SLC6A11: variants seen among roughly 807,000 people sequenced by gnomAD.
SLC6A11 encodes sodium- and chloride-dependent GABA transporter 3.
SLC6A11 carries 25 observed loss-of-function variants against 74.8 expected under a neutral mutation model. The ratio of observed to expected loss-of-function variants is 0.33; its 90% CI spans 0.24 to 0.47. The LOEUF (loss-of-function observed/expected upper bound fraction) is 0.47, where lower values mean the gene tolerates loss of function less well. Among genes scored for constraint, SLC6A11 ranks in the 20% least tolerant of loss-of-function variants. The pLI is 1.00. For missense variants in SLC6A11, 574 were observed against 837.0 expected (o/e 0.69, Z 3.88); for synonymous variants, 330 against 330.2 (o/e 1.00, Z 0.01).
rs1346564388 is a variant in SLC6A11 at position 10,940,688 on chromosome 3, T to G, written c.*2286T>G. The G allele has an allele frequency of 2.6e-5, 4 of 152,362 alleles. No individual in the cohort carries two copies. Among genetic ancestry groups the G allele is most frequent in the Non-Finnish European group, 2.9e-5 (2 of 68,028 alleles). 9.4% of individuals were successfully genotyped at this position (152,362 alleles called of 1,614,324 possible). ...GTGCAAGATTGTCTGCTTACTCATT[T>G]TTAAAAATTAAAGAAATGAACAATC... On this transcript the variant is annotated 3_prime_UTR_variant, in exon 14 of 14. Transcript: ENST00000254488.
At chr3:10,919,580 A>G (rs1353437869) in intron 8 of SLC6A11, among the ~76,000 whole-genome samples, 1 of 152,162 alleles carries the variant, frequency 6.6e-6, no homozygotes, top group Non-Finnish European at 1.5e-5. Context: ...GTGGATGTCA[A>G]AGGAGGCAGC....
chr3:10,825,551 T>C (rs924240597), intron 4 of SLC6A11: 3 of 152,208 alleles, frequency 2.0e-5, no homozygotes, highest in Non-Finnish European at 4.4e-5. Flanking sequence ...TTCCATTTTA[T>C]TGAAGTCGAA....
At position 10,852,719 on chromosome 3, in the gene SLC6A11, G is replaced by A. The variant is rs1694591629; in HGVS notation, c.756+8373G>A. On this transcript the variant is annotated intron_variant, in intron 5 of 13. Transcript: ENST00000254488. ...CATGGGTCTCCCTGGGAAACGGGAA[G>A]CCACCCTCCTGTTTGGCAGGCACCA... Among the ~76,000 whole-genome samples, 3 of 152,374 alleles carry A rather than the reference G, an allele frequency of 2.0e-5. No individual in the cohort carries two copies. The South Asian group carries it at 6.2e-4, about 32-fold the overall frequency.
intron 6 of SLC6A11, among the ~76,000 whole-genome samples, chr3:10,902,928 G>T (rs1489918534): frequency 6.6e-6 from 1 of 152,182 alleles, no homozygotes; most frequent in Non-Finnish European, 1.5e-5. Flanking sequence ...ATCTATAAAA[G>T]GGAGATAATA....
In SLC6A11 at chr3:10,938,339, T is replaced by C. The variant is rs1415363033; in HGVS notation, c.1836T>C (p.Cys612=). The part of the protein sequence containing the change: ...VSPRMVTVND[C]DAKLKSDGTI... ...CACGGATGGTGACAGTTAATGACTG[T>C]GATGCCAAACTCAAGAGTGACGGGA... The change falls in exon 14 of 14, where the codon TGT becomes TGC. Residue 612 remains cysteine, a synonymous_variant. Coordinates refer to ENST00000254488, the MANE Select transcript of SLC6A11 (RefSeq NM_014229.3). 1 of 1,613,020 alleles carries C rather than the reference T, an allele frequency of 6.2e-7. No homozygotes were observed. The highest frequency in any genetic ancestry group is 1.1e-5 in the South Asian group (1 of 90,928).
chr3:10,924,219 A>C (rs541891557), intron 8 of SLC6A11, among the ~76,000 whole-genome samples: 2 of 152,244 alleles, frequency 1.3e-5, no homozygotes, highest in Non-Finnish European at 2.9e-5. Flanking sequence ...TTAATTTACC[A>C]GTTATTAAAT....
chr3:10,925,906 TG>T, intron 8 of SLC6A11, 97 bp from the exon 9 acceptor site: 1 of 714,658 alleles, frequency 1.4e-6, no homozygotes, highest in Non-Finnish European at 2.5e-6. Flanking sequence ...GCACAGTGCC[TG>T]GCGCAGAGGA....
chr3:10,844,108 C>T (rs1392588137), intron 4 of SLC6A11, 106 bp from the exon 5 acceptor site: 13 of 1,381,204 alleles, frequency 9.4e-6, no homozygotes, highest in South Asian at 1.3e-5. Context: ...CCACGGTGGA[C>T]GTGGGTGAAT....
chr3:10,926,230 A>T lies in SLC6A11; in HGVS notation c.1233+114A>T, dbSNP rs1345281696. 1.5e-6 allele frequency: 1 copy of T among 672,910 alleles called. No individual in the cohort carries two copies. The highest frequency in any genetic ancestry group is 2.4e-5 in the Admixed American group (1 of 41,050). 41.7% of individuals were successfully genotyped at this position (672,910 alleles called of 1,614,324 possible). ...CCAGCCACTCCCACCTGGCCCTGGC[A>T]TCAGGGCCCTGCCCACCGTCCCCCA... On this transcript the variant is annotated intron_variant, in intron 9 of 13. Transcript: ENST00000254488. This position sits in a 1 kb window ranked among gnomAD's most constrained non-coding sequence, Gnocchi z 5.7.
rs1230785639 is a variant in SLC6A11, at chr3:10,926,260, ACC to A, written c.1233+146_1233+147del. The A allele has an allele frequency of 3.3e-5, 18 of 553,376 alleles. No individual in the cohort carries two copies. The highest frequency in any genetic ancestry group is 4.7e-5 in the Non-Finnish European group (15 of 317,170). The allele number at this position is 553,376 out of a possible 1,614,324, so 34.3% of individuals were successfully genotyped here. A position where few individuals can be genotyped will look rare whatever the true frequency, so the allele number is the denominator to read the frequency against. On this transcript the variant is annotated intron_variant, in intron 9 of 13. Transcript: ENST00000254488. The surrounding 1 kb of genome is among the most constrained non-coding windows in gnomAD (Gnocchi z 5.7). ...GGCCCTGCCCACCGTCCCCCATTCC[ACC>A]CTCCACTTCCCTCCCAGCAACTCTT... is the stretch of plus-strand genomic sequence containing the variant.
intron 6 of SLC6A11, among the ~76,000 whole-genome samples, chr3:10,908,656 C>T (rs1695344051): frequency 6.6e-6 from 1 of 152,124 alleles, no homozygotes; most frequent in Admixed American, 6.5e-5. Flanking sequence ...TACTGGGCAC[C>T]TTGTTTTGTG....
chr3:10,882,277 G>A (rs1223357493), intron 6 of SLC6A11, among the ~76,000 whole-genome samples: 1 of 152,224 alleles, frequency 6.6e-6, no homozygotes, highest in Non-Finnish European at 1.5e-5. Context: ...CTTCTCCACT[G>A]ATCAAGAGAG....
chr3:10,866,682 C>T (rs1022855756), intron 5 of SLC6A11, among the ~76,000 whole-genome samples: 1 of 152,170 alleles, frequency 6.6e-6, no homozygotes, highest in Non-Finnish European at 1.5e-5. Context: ...GTTAAAATAC[C>T]ATTACCCCCT....
At chr3:10,881,521 G>C (rs2106609387) in intron 6 of SLC6A11, among the ~76,000 whole-genome samples, 1 of 152,346 alleles carries the variant, frequency 6.6e-6, no homozygotes, top group East Asian at 1.9e-4. Context: ...AAAGTCAGGA[G>C]GGCTGTTAGC....
intron 6 of SLC6A11, among the ~76,000 whole-genome samples, chr3:10,881,523 G>A (rs963078352): frequency 1.4e-4 from 21 of 152,244 alleles, no homozygotes; most frequent in Non-Finnish European, 2.5e-4. Flanking sequence ...AGTCAGGAGG[G>A]CTGTTAGCTT....
Position 10,816,420 on chromosome 3 carries a change from A to G in SLC6A11, c.155A>G (p.His52Arg). ...GACAAGGCGGTCCACGAGCGCGGCCACTGGAACAACAAGGTGGAGTTCGTG... is the reference window on the plus strand; with the variant it reads ...GACAAGGCGGTCCACGAGCGCGGCCGCTGGAACAACAAGGTGGAGTTCGTG... ...KRDKAVHERG[H>R]WNNKVEFVLS... Residue 52 changes from histidine to arginine, a missense_variant, in exon 1 of 14, where the codon CAC becomes CGC. This residue lies in a region of SLC6A11 where 86 missense variants were observed against 87.4 expected (regional missense o/e 0.98). Transcript: ENST00000254488. This position sits in a 1 kb window ranked among gnomAD's most constrained non-coding sequence, Gnocchi z 4.2. 2 of 1,599,474 alleles carry G rather than the reference A, an allele frequency of 1.3e-6. No individual in the cohort carries two copies. Among genetic ancestry groups the G allele is most frequent in the Non-Finnish European group, 1.7e-6 (2 of 1,173,726 alleles).
chr3:10,902,112 T>C (rs1320576600), intron 6 of SLC6A11, among the ~76,000 whole-genome samples: 1 of 152,126 alleles, frequency 6.6e-6, no homozygotes, highest in African/African-American at 2.4e-5. Flanking sequence ...GTGTGGTAGC[T>C]GTCTGTTTGA....
chr3:10,871,192 C>G (rs1476612552), intron 5 of SLC6A11, among the ~76,000 whole-genome samples: 1 of 152,180 alleles, frequency 6.6e-6, no homozygotes, highest in Non-Finnish European at 1.5e-5. Flanking sequence ...AAGTGACCCT[C>G]TTAATGACAC....
At chr3:10,840,000 A>G (rs989844436) in intron 4 of SLC6A11, among the ~76,000 whole-genome samples, 3 of 151,906 alleles carry the variant, frequency 2.0e-5, no homozygotes, top group South Asian at 2.1e-4. Context: ...TGCTTGCTCA[A>G]ATGGAGGCAG....
Sources: allele counts gnomAD v4.1 joint callset (sites outside exome capture counted in the v4.1 genomes callset), GRCh38; gene constraint gnomAD v4.1.1; regional missense constraint gnomAD v4.1.1; non-coding constraint Gnocchi (gnomAD v3.1); transcripts MANE v1.5; gene names NCBI Gene and HGNC (gene_info 2026-07-23, HGNC 2026-07-21).